Variants in SLC24A2 observed in about 807,000 individuals in gnomAD.
SLC24A2 encodes solute carrier family 24 member 2.
Under a neutral mutation model 62.0 loss-of-function variants are expected in SLC24A2, and 36 were observed. That is an observed-to-expected ratio of 0.58 (90% CI 0.44 to 0.77). The LOEUF (loss-of-function observed/expected upper bound fraction) is 0.77. Ranked by LOEUF, SLC24A2 falls within the 30% of genes least tolerant of loss-of-function variation. SLC24A2 has a pLI of 0.00. For missense variants in SLC24A2, 846 were observed against 817.9 expected, an observed-to-expected ratio of 1.03 and a Z score of -0.42; for synonymous variants, 358 against 294.0, an observed-to-expected ratio of 1.22 and a Z score of -2.23.
chr9:20,011,843 T>C, the SLC24A2 span, among the ~76,000 whole-genome samples: 1 of 152,202 alleles, frequency 6.6e-6, no homozygotes, highest in Admixed American at 6.5e-5. Context: ...TCATTTACTA[T>C]GATCAAGAGG....
the SLC24A2 span, among the ~76,000 whole-genome samples, chr9:19,795,674 A>G: frequency 6.6e-6 from 1 of 151,984 alleles, no homozygotes; most frequent in African/African-American, 2.4e-5. Context: ...AATTCTTATC[A>G]GGGAAGAGGT....
the SLC24A2 span, among the ~76,000 whole-genome samples, chr9:20,037,669 A>G: frequency 5.9e-5 from 9 of 152,296 alleles, no homozygotes; most frequent in Non-Finnish European, 1.2e-4. Flanking sequence ...GATTTGGGCA[A>G]TGTCTAACAC....
At chr9:19,717,658 T>C (rs549219361) in intron 2 of SLC24A2, among the ~76,000 whole-genome samples, 2 of 152,294 alleles carry the variant, frequency 1.3e-5, no homozygotes, top group African/African-American at 4.8e-5. Context: ...TTACATAGCA[T>C]CCTGTTCACT....
At chr9:20,232,995 T>C in the SLC24A2 span, among the ~76,000 whole-genome samples, 3 of 152,218 alleles carry the variant, frequency 2.0e-5, no homozygotes, top group Non-Finnish European at 4.4e-5. Context: ...CCAGTAGTCA[T>C]TCAGGAGCAG....
chr9:19,678,602 A>G (rs1458854786), intron 2 of SLC24A2, among the ~76,000 whole-genome samples: 3 of 152,220 alleles, frequency 2.0e-5, no homozygotes, highest in Non-Finnish European at 2.9e-5. Flanking sequence ...AGCATTTACC[A>G]TAGCATGTTG....
chr9:20,278,869 T>A, the SLC24A2 span, among the ~76,000 whole-genome samples: 1 of 152,166 alleles, frequency 6.6e-6, no homozygotes, highest in African/African-American at 2.4e-5. Flanking sequence ...ATTCTCACAC[T>A]GCTAATAAAG....
the SLC24A2 span, among the ~76,000 whole-genome samples, chr9:20,188,126 C>G: frequency 1.3e-5 from 2 of 152,176 alleles, no homozygotes; most frequent in East Asian, 1.9e-4. Context: ...GTCAGAAGCT[C>G]TTTTCAAGGG....
chr9:20,078,392 C>T, the SLC24A2 span, among the ~76,000 whole-genome samples: 2 of 151,660 alleles, frequency 1.3e-5, no homozygotes, highest in Admixed American at 1.3e-4. Context: ...ACTGCCCTAC[C>T]CACTTCAGAG....
At chr9:19,953,227 G>C in the SLC24A2 span, among the ~76,000 whole-genome samples, 1 of 151,728 alleles carries the variant, frequency 6.6e-6, no homozygotes, top group Non-Finnish European at 1.5e-5. Flanking sequence ...TTTTTCTGTT[G>C]TTTGTCCATT....
the SLC24A2 span, among the ~76,000 whole-genome samples, chr9:20,115,522 A>T: frequency 6.6e-6 from 1 of 152,106 alleles, no homozygotes; most frequent in Non-Finnish European, 1.5e-5. Context: ...AAATCATCAC[A>T]CTTTAGGGTA....
chr9:19,958,328 G>A, the SLC24A2 span, among the ~76,000 whole-genome samples: 1 of 152,162 alleles, frequency 6.6e-6, no homozygotes. Flanking sequence ...TATGCTGACA[G>A]ATACTAACGA....
At chr9:19,734,739 G>A (rs1406940369) in intron 2 of SLC24A2, among the ~76,000 whole-genome samples, 2 of 152,116 alleles carry the variant, frequency 1.3e-5, no homozygotes, top group African/African-American at 4.8e-5. Context: ...TTTGTATCCC[G>A]AGACTTTGCT....
At chr9:19,853,017 G>A in the SLC24A2 span, among the ~76,000 whole-genome samples, 13 of 152,206 alleles carry the variant, frequency 8.5e-5, no homozygotes, top group East Asian at 2.5e-3. Flanking sequence ...AGTTCTCCTT[G>A]AAGAGGTCCT....
intron 6 of SLC24A2, among the ~76,000 whole-genome samples, chr9:19,574,446 G>A (rs2132847206): frequency 6.6e-6 from 1 of 152,264 alleles, no homozygotes. Context: ...AACTTGTGCT[G>A]TTTCACCCTT....
At chr9:19,980,739 A>C in the SLC24A2 span, among the ~76,000 whole-genome samples, 2 of 152,194 alleles carry the variant, frequency 1.3e-5, no homozygotes, top group African/African-American at 4.8e-5. Context: ...TCCCAGGCTC[A>C]AACAGGATTA....
At chr9:19,769,492 G>A (rs1822619969) in intron 2 of SLC24A2, among the ~76,000 whole-genome samples, 1 of 152,150 alleles carries the variant, frequency 6.6e-6, no homozygotes, top group Non-Finnish European at 1.5e-5. Context: ...GTATTTCTTT[G>A]GGTATTATCA....
At chr9:19,834,087 A>G in the SLC24A2 span, among the ~76,000 whole-genome samples, 1 of 152,210 alleles carries the variant, frequency 6.6e-6, no homozygotes, top group Non-Finnish European at 1.5e-5. Flanking sequence ...CGTCACCATC[A>G]TCAAAGACCA....
At chr9:19,949,695 T>C in the SLC24A2 span, among the ~76,000 whole-genome samples, 7 of 152,226 alleles carry the variant, frequency 4.6e-5, no homozygotes, top group African/African-American at 1.4e-4. Flanking sequence ...GGAAGCTGCT[T>C]GCTCTTCACT....
chr9:19,764,293 T>C (rs1822444403), intron 2 of SLC24A2, among the ~76,000 whole-genome samples: 1 of 152,218 alleles, frequency 6.6e-6, no homozygotes, highest in African/African-American at 2.4e-5. Flanking sequence ...TTTTGAAGGT[T>C]TTTTTCTGTC....
Sources: gnomAD v4.1 joint callset for allele counts (sites outside exome capture counted in the v4.1 genomes callset) on GRCh38, gnomAD v4.1.1 for gene constraint, MANE v1.5 for transcripts, NCBI Gene and HGNC (gene_info 2026-07-23, HGNC 2026-07-21) for gene names.